Variants in RNF167 observed in about 807,000 individuals in gnomAD.
RNF167 encodes ring finger protein 167, also known as E3 ubiquitin-protein ligase RNF167.
Under a neutral mutation model 34.8 loss-of-function variants are expected in RNF167, and 19 were observed. That is an observed-to-expected ratio of 0.55 (90% confidence interval 0.38 to 0.80). The LOEUF is 0.80. RNF167 is among the 30% of genes least tolerant of loss of function. The pLI, the probability that RNF167 is intolerant of heterozygous loss-of-function variation, is 0.00. For missense variants in RNF167, 464 were observed against 447.0 expected (o/e 1.04, Z -0.34); for synonymous variants, 200 against 170.4 (o/e 1.17, Z -1.35).
At position 4,942,613 on chromosome 17, in the gene RNF167, G is replaced by A; in HGVS notation, c.328G>A (p.Val110Ile). 1 of 1,614,206 alleles carries A rather than the reference G, an allele frequency of 6.2e-7. No individual in the cohort carries two copies. The highest frequency in any genetic ancestry group is 8.5e-7 in the Non-Finnish European group (1 of 1,180,046). Reference sequence around the variant, plus strand: ...CCAGAAGGCTGGATATGGTGCCGCTGTAGTACACAATGTGAATTCCAATGA... The same window carrying A: ...CCAGAAGGCTGGATATGGTGCCGCTATAGTACACAATGTGAATTCCAATGA... ...NAQKAGYGAA[V>I]VHNVNSNELL... Residue 110 changes from valine to isoleucine, a missense_variant, in exon 5 of 10, where the codon GTA (valine) becomes ATA (isoleucine). Coordinates refer to ENST00000262482, the MANE Select transcript of RNF167 (RefSeq NM_015528.3).
At position 4,940,779 on chromosome 17, in the gene RNF167, G is replaced by T; in HGVS notation, c.-131G>T. 1.3e-6 allele frequency: 1 copy of T among 741,942 alleles called. No homozygotes were observed. The highest frequency in any genetic ancestry group is 2.1e-6 in the Non-Finnish European group (1 of 476,264). 46.0% of individuals were successfully genotyped at this position (741,942 alleles called of 1,614,324 possible). On this transcript the variant is annotated 5_prime_UTR_variant, in exon 2 of 10. An upstream open reading frame in the 5' UTR loses its in-frame stop. Transcript: ENST00000262482. ...GTTCCTTCCCCGGCGCCCCCATGTA[G>T]CTGGGAAGTGGGACCTGGGGGTGGT...
chr17:4,944,936 G>C lies in RNF167; in HGVS notation c.973G>C (p.Ala325Pro), dbSNP rs932158509. The change falls in exon 10 of 10, where the codon GCC becomes CCC. Residue 325 changes from alanine (A) to proline (P), a missense_variant. Transcript: ENST00000262482. ...TCTTCCCACCTCCTTTGGTTCCTTAGCCCCAGCTCCCCTTGTTTTTCCTGG... is the reference window on the plus strand; with the variant it reads ...TCTTCCCACCTCCTTTGGTTCCTTACCCCCAGCTCCCCTTGTTTTTCCTGG... Reference protein sequence around the residue: ...PTLPTSFGSLAPAPLVFPGPS... With the variant: ...PTLPTSFGSLPPAPLVFPGPS... 1.9e-6 allele frequency: 3 copies of C among 1,608,476 alleles called. No individual in the cohort carries two copies. In the Admixed American group the frequency reaches 5.1e-5, roughly 27 times the overall value.
rs1438901752 is a variant in RNF167, at chr17:4,940,621, C to G, written c.-289C>G. ...ACCTCCTTGAGCTCCGCCACCCTTC[C>G]CGAAGTTTTTCTGTCACCTGTGTTA... On this transcript the variant is annotated 5_prime_UTR_variant, in exon 2 of 10. Transcript: ENST00000262482. 2.9e-6 allele frequency: 1 copy of G among 341,688 alleles called. No individual in the cohort carries two copies. Among genetic ancestry groups the G allele is most frequent in the African/African-American group, 2.1e-5 (1 of 47,422 alleles). The allele number at this position is 341,688 out of a possible 1,614,324, so 21.2% of individuals were successfully genotyped here.
At position 4,945,001 on chromosome 17, in the gene RNF167, T is replaced by C. The variant is rs1971268602; in HGVS notation, c.1038T>C (p.Pro346=). The C allele has an allele frequency of 3.2e-6, 5 of 1,549,286 alleles. No individual in the cohort carries two copies. Among genetic ancestry groups the C allele is most frequent in the African/African-American group, 2.8e-5 (2 of 72,598 alleles). Reference sequence around the variant, plus strand: ...CCCCACTGTCCCCTCCCTCTTCCCCTGTTATCCTGGTCTAATAACCCCCCA... The same window carrying C: ...CCCCACTGTCCCCTCCCTCTTCCCCCGTTATCCTGGTCTAATAACCCCCCA... ...TDPPLSPPSS[P]VILV The change falls in exon 10 of 10, where the codon CCT becomes CCC. Residue 346 remains proline, a synonymous_variant. Coordinates refer to ENST00000262482, the MANE Select transcript of RNF167 (RefSeq NM_015528.3).
Position 4,945,090 on chromosome 17 carries a change from A to G in RNF167, c.*74A>G. ...TCTTCCCTCCAGTCTTCTGAGGGAT[A>G]GGGGACATTCCATCCCAAGCTTCTC... On this transcript the variant is annotated 3_prime_UTR_variant, in exon 10 of 10. Transcript: ENST00000262482. 3.0e-6 allele frequency: 4 copies of G among 1,314,282 alleles called. No homozygotes were observed. The highest frequency in any genetic ancestry group is 4.1e-6 in the Non-Finnish European group (4 of 964,316). 81.4% of individuals were successfully genotyped at this position (1,314,282 alleles called of 1,614,324 possible). A position where few individuals can be genotyped will look rare whatever the true frequency, so the allele number is the denominator to read the frequency against.
chr17:4,943,343 T>G, intron 7 of RNF167, 59 bp downstream of exon 7: 14 of 1,592,984 alleles, frequency 8.8e-6, no homozygotes, highest in Non-Finnish European at 1.2e-5. Context: ...AGACTGGATC[T>G]GGAGTTGGGA....
chr17:4,943,483 C>G lies in RNF167; in HGVS notation c.634C>G (p.Gln212Glu), dbSNP rs756366270. Reference protein sequence around the residue: ...RLQRNRLTKEQLKQIPTHDYQ... With the variant: ...RLQRNRLTKEELKQIPTHDYQ... ...CCAGCGGAATCGACTTACCAAAGAG[C>G]AACTGAAACAGATTCCTACACATGA... Residue 212 changes from glutamine (Q) to glutamate (E), a missense_variant, in exon 8 of 10, where the codon CAA (glutamine) becomes GAA (glutamate). Physicochemically the swap from Gln to Glu is conservative, Grantham distance 29 (BLOSUM62 2). Coordinates refer to ENST00000262482, the MANE Select transcript of RNF167 (RefSeq NM_015528.3). The G allele has an allele frequency of 9.3e-6, 15 of 1,613,912 alleles. No individual in the cohort carries two copies. The East Asian group carries it at 3.1e-4, about 34-fold the overall frequency.
chr17:4,942,951 G>T lies in RNF167; in HGVS notation c.470+10G>T. Reference sequence around the variant, plus strand: ...TTGTCTACGAGAAGGGGTAGGACATGTGCCTCCTTCCCATTCTTCCTTCAG... The same window carrying T: ...TTGTCTACGAGAAGGGGTAGGACATTTGCCTCCTTCCCATTCTTCCTTCAG... On this transcript the variant is annotated intron_variant, in intron 6 of 9. Coordinates refer to ENST00000262482, the MANE Select transcript of RNF167 (RefSeq NM_015528.3). 6.2e-7 allele frequency: 1 copy of T among 1,611,464 alleles called. No homozygotes were observed.
chr17:4,943,005 A>G, intron 6 of RNF167, 64 bp downstream of exon 6: 1 of 1,487,928 alleles, frequency 6.7e-7, no homozygotes, highest in East Asian at 2.3e-5. Flanking sequence ...CCTGGAGCCC[A>G]GGCCTCCTCA....
Position 4,942,953 on chromosome 17 carries a change from G to T in RNF167, c.470+12G>T, listed in dbSNP as rs1332639763. On this transcript the variant is annotated intron_variant, in intron 6 of 9. Coordinates refer to ENST00000262482, the MANE Select transcript of RNF167 (RefSeq NM_015528.3). ...GTCTACGAGAAGGGGTAGGACATGTGCCTCCTTCCCATTCTTCCTTCAGCA... is the reference window on the plus strand; with the variant it reads ...GTCTACGAGAAGGGGTAGGACATGTTCCTCCTTCCCATTCTTCCTTCAGCA... 4 of 1,610,486 alleles carry T rather than the reference G, an allele frequency of 2.5e-6. No homozygotes were observed. In the South Asian group the frequency reaches 4.4e-5, roughly 18 times the overall value.
chr17:4,944,273 G>T, intron 8 of RNF167: 1 of 458,180 alleles, frequency 2.2e-6, no homozygotes, highest in Non-Finnish European at 3.2e-6. Flanking sequence ...TCCAGTGCCC[G>T]TATAAGGCTG....
At position 4,940,929 on chromosome 17, in the gene RNF167, C is replaced by T; in HGVS notation, c.20C>T (p.Pro7Leu). The T allele has an allele frequency of 6.2e-7, 1 of 1,608,752 alleles. No individual in the cohort carries two copies. The highest frequency in any genetic ancestry group is 8.5e-7 in the Non-Finnish European group (1 of 1,176,672). ...GCTGCCATGCACCCTGCAGCCTTCC[C>T]GCTTCCTGTGGTTGTGGCCGCTGTG... MHPAAF[P>L]LPVVVAAVLW... Residue 7 changes from proline (P) to leucine (L), a missense_variant, in exon 2 of 10, where the codon CCG becomes CTG. Pro to Leu is a moderately conservative substitution (Grantham distance 98, BLOSUM62 -3). Coordinates refer to ENST00000262482, the MANE Select transcript of RNF167 (RefSeq NM_015528.3).
intron 7 of RNF167, 53 bp from the exon 8 acceptor site, chr17:4,943,373 A>G: frequency 1.3e-6 from 2 of 1,585,258 alleles, no homozygotes; most frequent in South Asian, 2.2e-5. Flanking sequence ...GGCTTGTCCT[A>G]GATTGTCTAG....
At position 4,944,793 on chromosome 17, in the gene RNF167, G is replaced by A. The variant is rs533263381; in HGVS notation, c.830G>A (p.Arg277Gln). 254 of 1,612,188 alleles carry A rather than the reference G, an allele frequency of 1.6e-4. 1 individual carries two copies. Among genetic ancestry groups the A allele is most frequent in the South Asian group, 1.4e-3 (130 of 90,894 alleles). ...TCPICKQPVHRGPGDEDQEEE... is the reference protein window; with the variant it reads ...TCPICKQPVHQGPGDEDQEEE... ...CCCATTTGCAAGCAGCCTGTTCATCGGGGTCCTGGGGACGAAGACCAAGAG... is the reference window on the plus strand; with the variant it reads ...CCCATTTGCAAGCAGCCTGTTCATCAGGGTCCTGGGGACGAAGACCAAGAG... The change falls in exon 10 of 10, where the codon CGG becomes CAG. Residue 277 changes from arginine to glutamine, a missense_variant. Arg to Gln is a conservative substitution (Grantham distance 43, BLOSUM62 1). Transcript: ENST00000262482.
Position 4,942,471 on chromosome 17 carries a change from C to CGACCTCAAGGT in RNF167, c.291+5_291+6insGACCTCAAGGT. On this transcript the variant is annotated splice_donor_region_variant and intron_variant, in intron 4 of 9. Transcript: ENST00000262482. ...GACTGCAACTTTGACCTCAAGGTTGCTGAATGAGGAAGGGGAGCTGGGCAG... is the reference window on the plus strand; with the variant it reads ...GACTGCAACTTTGACCTCAAGGTTGCGACCTCAAGGTTGAATGAGGAAGGGGAGCTGGGCAG... 1 of 1,613,938 alleles carries CGACCTCAAGGT rather than the reference C, an allele frequency of 6.2e-7. No individual in the cohort carries two copies.
At position 4,944,560 on chromosome 17, in the gene RNF167, G is replaced by A. The variant is rs148097155; in HGVS notation, c.673G>A (p.Asp225Asn). Residue 225 changes from aspartate to asparagine, a missense_variant and splice_region_variant, in exon 9 of 10, where the codon GAC becomes AAC. Transcript: ENST00000262482. ...AGATTATTTTCTTTCTGTCCCAGGA[G>A]ACCAGTATGATGTCTGTGCCATTTG... ...QIPTHDYQKGDQYDVCAICLD... is the reference protein window; with the variant it reads ...QIPTHDYQKGNQYDVCAICLD... 6 of 1,589,952 alleles carry A rather than the reference G, an allele frequency of 3.8e-6. No individual in the cohort carries two copies. The highest frequency in any genetic ancestry group is 5.1e-6 in the Non-Finnish European group (6 of 1,166,248).
In RNF167 at chr17:4,940,732, A is replaced by C; in HGVS notation, c.-178A>C. 1.8e-6 allele frequency: 1 copy of C among 553,686 alleles called. No homozygotes were observed. Among genetic ancestry groups the C allele is most frequent in the East Asian group, 3.0e-5 (1 of 33,382 alleles). 34.3% of individuals were successfully genotyped at this position (553,686 alleles called of 1,614,324 possible). Reference sequence around the variant, plus strand: ...CACCCAGCTCCACTAAACGGGTTGGATATCTCATTCTTTGAGTTGGTGTTC... The same window carrying C: ...CACCCAGCTCCACTAAACGGGTTGGCTATCTCATTCTTTGAGTTGGTGTTC... On this transcript the variant is annotated 5_prime_UTR_variant, in exon 2 of 10. Coordinates refer to ENST00000262482, the MANE Select transcript of RNF167 (RefSeq NM_015528.3).
intron 3 of RNF167, 27 bp downstream of exon 3, chr17:4,941,184 C>A: frequency 6.4e-7 from 1 of 1,563,276 alleles, no homozygotes; most frequent in Non-Finnish European, 8.8e-7. Flanking sequence ...TCTTTTCCTC[C>A]TTCCCTCCCT....
Position 4,942,769 on chromosome 17 carries a change from G to A in RNF167, c.380-82G>A. On this transcript the variant is annotated intron_variant, in intron 5 of 9. Transcript: ENST00000262482. ...AAGCCAATCCTTTAGGTGGGGTGGG[G>A]CCAAAGTGCAAGATGCCAGGGTTCC... The A allele has an allele frequency of 1.1e-5, 18 of 1,581,894 alleles. 2 individuals are homozygous for A. In the South Asian group the frequency reaches 2.0e-4, roughly 17 times the overall value.
Sources: allele counts gnomAD v4.1 joint callset, GRCh38; gene constraint gnomAD v4.1.1; transcripts MANE v1.5; gene names NCBI Gene and HGNC (gene_info 2026-07-23, HGNC 2026-07-21).